The following GPC5 variants were observed in gnomAD, a reference collection of about 807,000 sequenced individuals.
GPC5 encodes glypican 5.
A neutral mutation model predicts 53.9 loss-of-function variants in GPC5; 47 were observed. The observed-to-expected ratio is 0.87, with a 90% CI of 0.69 to 1.11. The LOEUF (loss-of-function observed/expected upper bound fraction) is 1.11, where lower values mean the gene tolerates loss of function less well. Among genes scored for constraint, GPC5 ranks in the 50% most tolerant of loss-of-function variants. The pLI is 0.00. For synonymous variants in GPC5, 286 were observed against 263.3 expected (o/e 1.09, Z -0.84); for missense variants, 748 against 713.1 (o/e 1.05, Z -0.56).
rs1474010215 is a variant in GPC5 at position 91,801,673 on chromosome 13, C to T, written c.1280+45253C>T. 2.0e-5 allele frequency among the ~76,000 whole-genome samples: 3 copies of T among 152,130 alleles called. No individual in the cohort carries two copies. The South Asian group carries it at 6.2e-4, about 32-fold the overall frequency. On this transcript the variant is annotated intron_variant, in intron 5 of 7. Transcript: ENST00000377067. ...TTGACAGTGGAAATATTTCTAATAA[C>T]CAACATTTATTGAATGCTTCCTACG... is the stretch of plus-strand genomic sequence containing the variant.
intron 3 of GPC5, among the ~76,000 whole-genome samples, chr13:91,716,185 A>C (rs2139934150): frequency 6.6e-6 from 1 of 152,044 alleles, no homozygotes; most frequent in East Asian, 1.9e-4. Flanking sequence ...TCAGTTTTTC[A>C]TTATTCAAAA....
chr13:92,055,829 T>C (rs1451172381), intron 6 of GPC5, among the ~76,000 whole-genome samples: 1 of 152,230 alleles, frequency 6.6e-6, no homozygotes, highest in Non-Finnish European at 1.5e-5. Flanking sequence ...GTATCTGTGA[T>C]GCATCATTTT....
chr13:92,015,634 A>G (rs1022346566), intron 6 of GPC5, among the ~76,000 whole-genome samples: 1 of 152,134 alleles, frequency 6.6e-6, no homozygotes, highest in African/African-American at 2.4e-5. Flanking sequence ...GTAGAATTCA[A>G]ACTAAGAGCT....
intron 5 of GPC5, among the ~76,000 whole-genome samples, chr13:91,883,609 C>T (rs977117586): frequency 1.3e-5 from 2 of 151,960 alleles, no homozygotes; most frequent in African/African-American, 2.4e-5. Flanking sequence ...AGAACAGCAT[C>T]GGGGAAGCCA....
chr13:92,468,620 A>G (rs1878793217), intron 7 of GPC5, among the ~76,000 whole-genome samples: 2 of 152,162 alleles, frequency 1.3e-5, no homozygotes, highest in Non-Finnish European at 2.9e-5. Context: ...TTTTACGAGA[A>G]GAATACTTAC....
chr13:92,567,994 G>A (rs1251406458), intron 7 of GPC5, among the ~76,000 whole-genome samples: 3 of 152,116 alleles, frequency 2.0e-5, no homozygotes, highest in Non-Finnish European at 2.9e-5. Flanking sequence ...GTTATTGGCT[G>A]AGCAATAGAG....
intron 2 of GPC5, among the ~76,000 whole-genome samples, chr13:91,692,738 G>A (rs2035782528): frequency 6.6e-6 from 1 of 152,140 alleles, no homozygotes; most frequent in Non-Finnish European, 1.5e-5. Flanking sequence ...CCGCCTCCCA[G>A]GTTCAAATGA....
At chr13:92,840,078 CATATATAT>C (rs4001881) in intron 7 of GPC5, among the ~76,000 whole-genome samples, 2,736 of 98,564 alleles carry the variant, frequency 0.028, 45 homozygotes, top group African/African-American at 0.038. Flanking sequence ...TATATACATA[CATATATAT>C]ATATATATAT....
intron 7 of GPC5, among the ~76,000 whole-genome samples, chr13:92,594,349 G>A (rs1245781361): frequency 6.6e-6 from 1 of 152,158 alleles, no homozygotes; most frequent in Non-Finnish European, 1.5e-5. Context: ...CTGAACATGG[G>A]GATGGCAGAC....
At chr13:91,898,160 A>C (rs1157012012) in intron 5 of GPC5, among the ~76,000 whole-genome samples, 5 of 152,160 alleles carry the variant, frequency 3.3e-5, no homozygotes, top group African/African-American at 1.2e-4. Context: ...GCTTTCAACA[A>C]AGCATCCTAT....
rs1401926627 is a variant in GPC5 at position 92,057,312 on chromosome 13, C to CAAA, written c.1402-87517_1402-87515dup. On this transcript the variant is annotated intron_variant, in intron 6 of 7. Coordinates refer to ENST00000377067, the MANE Select transcript of GPC5 (RefSeq NM_004466.6). ...AAACAAAAAAACAAAAAACAAAAAA[C>CAAA]AAACAAAAAACACAAAGACTTCTTA... Among the ~76,000 whole-genome samples, 116 of 30,820 alleles carry CAAA rather than the reference C, an allele frequency of 3.8e-3. 1 individual carries two copies. Among genetic ancestry groups the CAAA allele is most frequent in the African/African-American group, 0.012 (110 of 8,868 alleles). 20.2% of individuals were successfully genotyped at this position (30,820 alleles called of 152,430 possible).
At chr13:91,736,020 A>G (rs893483191) in intron 4 of GPC5, among the ~76,000 whole-genome samples, 1 of 151,532 alleles carries the variant, frequency 6.6e-6, no homozygotes, top group Non-Finnish European at 1.5e-5. Flanking sequence ...GTGCAGAATG[A>G]GAACAATAGT....
intron 6 of GPC5, among the ~76,000 whole-genome samples, chr13:91,922,666 C>T (rs181467150): frequency 2.5e-4 from 38 of 152,152 alleles, no homozygotes; most frequent in African/African-American, 8.4e-4. Context: ...GAGCACTTCT[C>T]TAGAGATAAA....
At position 92,579,298 on chromosome 13, in the gene GPC5, T is replaced by TCTCC. The variant is rs869169116; in HGVS notation, c.1562-286960_1562-286957dup. On this transcript the variant is annotated intron_variant, in intron 7 of 7. Transcript: ENST00000377067. ...CCCTCTCTCTCTCTCTCTCTCTCTCTCTCCCTCCCTCCCTCCCTCCCTCCC... is the reference window on the plus strand; with the variant it reads ...CCCTCTCTCTCTCTCTCTCTCTCTCTCTCCCTCCCTCCCTCCCTCCCTCCCTCCC... 1.5e-3 allele frequency among the ~76,000 whole-genome samples: 92 copies of TCTCC among 61,644 alleles called. 2 individuals carry two copies. Among genetic ancestry groups the TCTCC allele is most frequent in the Middle Eastern group, 0.013 (1 of 80 alleles). The allele number at this position is 61,644 out of a possible 152,430, so 40.4% of individuals were successfully genotyped here.
intron 7 of GPC5, among the ~76,000 whole-genome samples, chr13:92,348,214 C>A (rs2043444068): frequency 6.6e-6 from 1 of 151,262 alleles, no homozygotes; most frequent in South Asian, 2.1e-4. Flanking sequence ...TATTTGCTGG[C>A]TGTAAGAGCC....
chr13:91,557,683 A>G (rs1231327181), intron 2 of GPC5, among the ~76,000 whole-genome samples: 1 of 152,168 alleles, frequency 6.6e-6, no homozygotes, highest in African/African-American at 2.4e-5. Context: ...CTTTCATTCA[A>G]ACAGATTCCT....
chr13:92,112,365 T>C (rs2041564378), intron 6 of GPC5, among the ~76,000 whole-genome samples: 1 of 152,016 alleles, frequency 6.6e-6, no homozygotes, highest in Admixed American at 6.6e-5. Context: ...AATCGTATAG[T>C]AAGGAAGTAG....
chr13:92,037,237 T>C (rs1237405384), intron 6 of GPC5, among the ~76,000 whole-genome samples: 1 of 151,952 alleles, frequency 6.6e-6, no homozygotes, highest in Non-Finnish European at 1.5e-5. Context: ...ACACCTTGCT[T>C]ACTTATTTAC....
intron 7 of GPC5, among the ~76,000 whole-genome samples, chr13:92,663,854 CACTA>C (rs1886460985): frequency 1.3e-5 from 1 of 75,316 alleles, no homozygotes; most frequent in African/African-American, 5.1e-5. Flanking sequence ...TACACACACA[CACTA>C]TATATATATA....
Sources: gnomAD v4.1 joint callset for allele counts (sites outside exome capture counted in the v4.1 genomes callset) on GRCh38, gnomAD v4.1.1 for gene constraint, MANE v1.5 for transcripts, NCBI Gene and HGNC (gene_info 2026-07-23, HGNC 2026-07-21) for gene names.